The following ADARB2 variants were observed in gnomAD, a reference collection of about 807,000 sequenced individuals.
ADARB2 encodes inactive double-stranded RNA-specific editase B2.
Under a neutral mutation model 62.2 loss-of-function variants are expected in ADARB2, and 25 were observed. That is an observed-to-expected ratio of 0.40 (90% CI 0.29 to 0.56). The LOEUF (loss-of-function observed/expected upper bound fraction) is 0.56, where lower values mean the gene tolerates loss of function less well. ADARB2 is among the 20% of genes least tolerant of loss of function. The pLI is 0.43. For synonymous variants in ADARB2, 572 were observed against 500.8 expected (o/e 1.14, Z -1.90); for missense variants, 1,071 against 1,077.4 (o/e 0.99, Z 0.08).
intron 1 of ADARB2, among the ~76,000 whole-genome samples, chr10:1,470,331 A>G (rs1831304653): frequency 6.6e-6 from 1 of 152,230 alleles, no homozygotes; most frequent in Non-Finnish European, 1.5e-5. Context: ...ACTGCAGTAC[A>G]CACGTCTTTC....
intron 1 of ADARB2, among the ~76,000 whole-genome samples, chr10:1,544,330 C>A (rs1383304317): frequency 6.6e-6 from 1 of 152,218 alleles, no homozygotes; most frequent in African/African-American, 2.4e-5. Flanking sequence ...AGCATGAAGC[C>A]CCCGGGGGTG....
chr10:1,302,818 C>G (rs1031932712), intron 3 of ADARB2, among the ~76,000 whole-genome samples: 8 of 152,172 alleles, frequency 5.3e-5, no homozygotes, highest in African/African-American at 9.7e-5. Context: ...GCTGAGGGTC[C>G]TGTCTGTTAG....
intron 1 of ADARB2, among the ~76,000 whole-genome samples, chr10:1,586,806 C>T (rs11250644): frequency 0.044 from 6,725 of 152,144 alleles, 537 homozygotes; most frequent in African/African-American, 0.15. Context: ...CTATTCAGGA[C>T]GTAGTGTGGG....
Position 1,184,881 on chromosome 10 carries a change from A to G in ADARB2, c.2023T>C (p.Trp675Arg). The G allele has an allele frequency of 1.2e-6, 2 of 1,613,584 alleles. No individual in the cohort carries two copies. Among genetic ancestry groups the G allele is most frequent in the Non-Finnish European group, 1.7e-6 (2 of 1,179,940 alleles). Reference protein sequence around the residue: ...RLCKHVLSARWARLYGRLSTR... With the variant: ...RLCKHVLSARRARLYGRLSTR... ...CCTACCCTGCCATACAGCCGCGCCC[A>G]CCGTGCAGACAGCACGTGCTTGCAG... The change falls in exon 9 of 10, where the codon TGG becomes CGG. Residue 675 changes from tryptophan to arginine, a missense_variant. Physicochemically the swap from Trp to Arg is moderately radical, Grantham distance 101. Transcript: ENST00000381312.
At chr10:1,698,425 G>C (rs560281355) in intron 1 of ADARB2, among the ~76,000 whole-genome samples, 1 of 152,308 alleles carries the variant, frequency 6.6e-6, no homozygotes, top group South Asian at 2.1e-4. Flanking sequence ...CACAGAGCAT[G>C]GGGGAGAGAC....
intron 3 of ADARB2, among the ~76,000 whole-genome samples, chr10:1,328,520 A>G (rs1831897775): frequency 6.6e-6 from 1 of 152,152 alleles, no homozygotes; most frequent in Non-Finnish European, 1.5e-5. Context: ...TTTTTCTTGA[A>G]CAGTGCAAAC....
chr10:1,431,126 T>C (rs909537754), intron 1 of ADARB2, among the ~76,000 whole-genome samples: 12 of 152,020 alleles, frequency 7.9e-5, no homozygotes, highest in African/African-American at 2.9e-4. Context: ...ATCAGCAACA[T>C]AGAATACACA....
At chr10:1,498,115 G>C (rs1176191504) in intron 1 of ADARB2, among the ~76,000 whole-genome samples, 10 of 152,186 alleles carry the variant, frequency 6.6e-5, no homozygotes. Context: ...GCTCACGCTT[G>C]TAATCCCGGC....
chr10:1,277,971 TTC>T lies in ADARB2; in HGVS notation c.1078-6904_1078-6903del, dbSNP rs1831335228. On this transcript the variant is annotated intron_variant, in intron 3 of 9. Coordinates refer to ENST00000381312, the MANE Select transcript of ADARB2 (RefSeq NM_018702.4). Reference sequence around the variant, plus strand: ...TTCCTTCCCCTCTTTCTCTCTCTCTTTCTTTTTTTCCTTTTTGAGACAGAGTC... The same window carrying T: ...TTCCTTCCCCTCTTTCTCTCTCTCTTTTTTTTTCCTTTTTGAGACAGAGTC... Among the ~76,000 whole-genome samples, 3 of 151,568 alleles carry T rather than the reference TTC, an allele frequency of 2.0e-5. No homozygotes were observed. In the South Asian group the frequency reaches 6.3e-4, roughly 32 times the overall value.
intron 1 of ADARB2, among the ~76,000 whole-genome samples, chr10:1,658,448 C>G (rs933387641): frequency 2.0e-5 from 3 of 152,016 alleles, no homozygotes; most frequent in South Asian, 2.1e-4. Context: ...TTTTCTCTCT[C>G]TGTGTATCTC....
chr10:1,653,600 C>T (rs909652568), intron 1 of ADARB2, among the ~76,000 whole-genome samples: 1 of 150,950 alleles, frequency 6.6e-6, no homozygotes, highest in Non-Finnish European at 1.5e-5. Flanking sequence ...GCCACAGTCT[C>T]CACCCAACGC....
At chr10:1,708,150 G>C (rs1404868068) in intron 1 of ADARB2, among the ~76,000 whole-genome samples, 2 of 152,180 alleles carry the variant, frequency 1.3e-5, no homozygotes, top group East Asian at 1.9e-4. Flanking sequence ...GTCCCTTGGG[G>C]TTCCAGTTTC....
At chr10:1,219,939 GTGGTGATAA>G (rs1830669747) in intron 6 of ADARB2, among the ~76,000 whole-genome samples, 1 of 147,856 alleles carries the variant, frequency 6.8e-6, no homozygotes, top group Non-Finnish European at 1.5e-5. Flanking sequence ...GGTGATGATG[GTGGTGATAA>G]TGGTGATGGT....
intron 1 of ADARB2, among the ~76,000 whole-genome samples, chr10:1,667,002 T>G (rs1468518589): frequency 6.6e-6 from 1 of 152,212 alleles, no homozygotes; most frequent in African/African-American, 2.4e-5. Flanking sequence ...ACTAAAAACA[T>G]AGAGGGTTTT....
chr10:1,307,504 T>C (rs1222638850), intron 3 of ADARB2, among the ~76,000 whole-genome samples: 1 of 140,082 alleles, frequency 7.1e-6, no homozygotes, highest in African/African-American at 2.6e-5. Context: ...AGTTCAACCA[T>C]TGTGGAAGTC....
intron 1 of ADARB2, among the ~76,000 whole-genome samples, chr10:1,416,157 G>C (rs1832799402): frequency 6.6e-6 from 1 of 152,202 alleles, no homozygotes; most frequent in Non-Finnish European, 1.5e-5. Flanking sequence ...AGATGGACTG[G>C]TCTGTGAATC....
chr10:1,280,241 A>G (rs945667722), intron 3 of ADARB2, among the ~76,000 whole-genome samples: 8 of 152,210 alleles, frequency 5.3e-5, no homozygotes, highest in African/African-American at 1.7e-4. Flanking sequence ...GGGCTTCAAC[A>G]TATGAATTTC....
At chr10:1,499,312 C>T (rs934198744) in intron 1 of ADARB2, among the ~76,000 whole-genome samples, 9 of 152,054 alleles carry the variant, frequency 5.9e-5, no homozygotes, top group East Asian at 3.9e-4. Context: ...TTACTCATCA[C>T]GCATTCATTA....
chr10:1,695,772 GTC>G (rs1021304882), intron 1 of ADARB2, among the ~76,000 whole-genome samples: 2 of 152,210 alleles, frequency 1.3e-5, no homozygotes, highest in Non-Finnish European at 2.9e-5. Context: ...GTGTAGGTGT[GTC>G]TGTGCATACA....
Sources: allele counts gnomAD v4.1 joint callset (sites outside exome capture counted in the v4.1 genomes callset), GRCh38; gene constraint gnomAD v4.1.1; transcripts MANE v1.5; gene names NCBI Gene and HGNC (gene_info 2026-07-23, HGNC 2026-07-21).